PIK3CB: variants seen among roughly 807,000 people sequenced by gnomAD.
PIK3CB encodes the protein phosphatidylinositol-4,5-bisphosphate 3-kinase catalytic subunit beta.
In PIK3CB, 39 loss-of-function variants were observed where a neutral mutation model predicts 136.8. The ratio of observed to expected loss-of-function variants is 0.29; its 90% CI spans 0.22 to 0.37. The LOEUF (loss-of-function observed/expected upper bound fraction) is 0.37. Ranked by LOEUF, PIK3CB falls within the 10% of genes least tolerant of loss-of-function variation. The pLI is 1.00. For synonymous variants in PIK3CB, 428 were observed against 436.6 expected (o/e 0.98, Z 0.25); for missense variants, 868 against 1,275.4 (o/e 0.68, Z 4.87).
chr3:138,747,349 C>T (rs1364319028), intron 4 of PIK3CB, among the ~76,000 whole-genome samples: 12 of 151,748 alleles, frequency 7.9e-5, no homozygotes, highest in African/African-American at 2.2e-4. Flanking sequence ...CATGAGAACT[C>T]GGAGAGATCC....
intron 5 of PIK3CB, 78 bp from the exon 6 acceptor site, chr3:138,737,964 A>T: frequency 1.2e-6 from 1 of 844,730 alleles, no homozygotes; most frequent in East Asian, 2.8e-5. Flanking sequence ...ATCATTATGT[A>T]ATAATATGTA....
At chr3:138,776,103 CAGG>C (rs1455474197) in intron 2 of PIK3CB, among the ~76,000 whole-genome samples, 1 of 151,914 alleles carries the variant, frequency 6.6e-6, no homozygotes, top group Non-Finnish European at 1.5e-5. Context: ...GAGGCTGAGG[CAGG>C]AGGATCACCT....
chr3:138,830,208 C>T (rs1933961276), intron 1 of PIK3CB, among the ~76,000 whole-genome samples: 1 of 152,084 alleles, frequency 6.6e-6, no homozygotes, highest in African/African-American at 2.4e-5. Flanking sequence ...TTTTCTAGTA[C>T]ACCACCACAA....
At chr3:138,680,752 G>T (rs944209344) in intron 19 of PIK3CB, among the ~76,000 whole-genome samples, 1 of 151,568 alleles carries the variant, frequency 6.6e-6, no homozygotes, top group African/African-American at 2.4e-5. Flanking sequence ...GCAGTGGCAT[G>T]ATCTCGCTCA....
chr3:138,675,351 T>C (rs1250724272), intron 19 of PIK3CB, among the ~76,000 whole-genome samples: 1 of 151,910 alleles, frequency 6.6e-6, no homozygotes, highest in Admixed American at 6.6e-5. Flanking sequence ...AATAAATGCA[T>C]AATGGCGTTT....
At position 138,755,820 on chromosome 3, in the gene PIK3CB, AT is replaced by A; in HGVS notation, c.330del (p.Lys110AsnfsTer2). The part of the protein sequence containing the change: ...CDVRPFLPVL[K>X]LVTRSCDPGE... ...CCTGGGTCACAACTTCTTGTCACTA[AT>A]TTGAGAACTGGAAGAAAAGGTCTGA... On this transcript the variant is annotated frameshift_variant, in exon 4 of 24. Coordinates refer to ENST00000674063, the MANE Select transcript of PIK3CB (RefSeq NM_006219.3). LOFTEE classifies it high-confidence loss of function. 1 of 1,613,286 alleles carries A rather than the reference AT, an allele frequency of 6.2e-7. No individual in the cohort carries two copies. The highest frequency in any genetic ancestry group is 8.5e-7 in the Non-Finnish European group (1 of 1,179,472).
At chr3:138,767,817 G>C (rs1027279347) in intron 2 of PIK3CB, among the ~76,000 whole-genome samples, 1 of 152,306 alleles carries the variant, frequency 6.6e-6, no homozygotes, top group African/African-American at 2.4e-5. Flanking sequence ...CGGAAGCTTG[G>C]AGATGTCAGG....
intron 8 of PIK3CB, among the ~76,000 whole-genome samples, chr3:138,724,303 T>C (rs2044792015): frequency 6.6e-6 from 1 of 152,096 alleles, no homozygotes. Context: ...AATAGCCAAA[T>C]GAAAAGGTAT....
chr3:138,828,699 A>T (rs1933894175), intron 1 of PIK3CB, among the ~76,000 whole-genome samples: 1 of 152,156 alleles, frequency 6.6e-6, no homozygotes, highest in African/African-American at 2.4e-5. Flanking sequence ...TCAAGGCTGT[A>T]GTGCCCTATA....
intron 3 of PIK3CB, among the ~76,000 whole-genome samples, chr3:138,757,478 A>AACAC (rs146470519): frequency 0.041 from 5,548 of 136,342 alleles, 251 homozygotes; most frequent in African/African-American, 0.11. Context: ...GATACTATTA[A>AACAC]ACACACACAC....
Position 138,657,694 on chromosome 3 carries a change from C to T in PIK3CB, c.2938G>A (p.Gly980Ser). The stretch of plus-strand genomic sequence containing the variant: ...TGGCACAAGGGCAGTACTCACCGGC[C>T]AAACTTTTCTGTATTTCCTGTTTTT... ...QGKTGNTEKFGRFRQCCEDAY... is the reference protein window; with the variant it reads ...QGKTGNTEKFSRFRQCCEDAY... The change falls in exon 22 of 24, where the codon GGC becomes AGC. Residue 980 changes from glycine to serine, a missense_variant. This residue lies in a region of PIK3CB where 88 missense variants were observed against 147.8 expected (regional missense o/e 0.60). Coordinates refer to ENST00000674063, the MANE Select transcript of PIK3CB (RefSeq NM_006219.3). The T allele has an allele frequency of 6.2e-7, 1 of 1,613,870 alleles. No individual in the cohort carries two copies. The highest frequency in any genetic ancestry group is 8.5e-7 in the Non-Finnish European group (1 of 1,179,866).
chr3:138,723,686 G>T (rs145661026), intron 8 of PIK3CB, among the ~76,000 whole-genome samples: 47 of 152,276 alleles, frequency 3.1e-4, no homozygotes, highest in Middle Eastern at 3.4e-3. Flanking sequence ...ACATGCAAAG[G>T]ACTTGCCACT....
At chr3:138,825,436 T>A in intron 1 of PIK3CB, 1 of 689,032 alleles carries the variant, frequency 1.5e-6, no homozygotes, top group South Asian at 1.7e-5. Flanking sequence ...CTACAGCCAA[T>A]ACAGATATGA....
intron 1 of PIK3CB, among the ~76,000 whole-genome samples, chr3:138,816,757 A>G (rs1336735597): frequency 1.3e-5 from 2 of 152,124 alleles, no homozygotes; most frequent in African/African-American, 4.8e-5. Flanking sequence ...CTGAGGGTTT[A>G]TTCACCTCAT....
intron 1 of PIK3CB, among the ~76,000 whole-genome samples, chr3:138,834,279 C>T (rs1179248052): frequency 6.6e-6 from 1 of 152,254 alleles, no homozygotes; most frequent in African/African-American, 2.4e-5. Context: ...GGGTCCACGC[C>T]TCTGAAATAC....
intron 19 of PIK3CB, among the ~76,000 whole-genome samples, chr3:138,669,547 A>C (rs867528972): frequency 6.6e-6 from 1 of 152,066 alleles, no homozygotes; most frequent in Non-Finnish European, 1.5e-5. Context: ...GGGTGTGCAG[A>C]GGACTGGCAA....
chr3:138,789,127 C>CTCAAAAAAT (rs1304554442), intron 2 of PIK3CB, among the ~76,000 whole-genome samples: 1 of 151,896 alleles, frequency 6.6e-6, no homozygotes, highest in Non-Finnish European at 1.5e-5. Flanking sequence ...AGGATTGTTC[C>CTCAAAAAAT]TCAAAAAATT....
chr3:138,687,843 A>G (rs1021830503), intron 16 of PIK3CB, among the ~76,000 whole-genome samples: 23 of 152,150 alleles, frequency 1.5e-4, no homozygotes, highest in African/African-American at 5.5e-4. Flanking sequence ...TACAATTTAG[A>G]TAGTTAATGA....
At chr3:138,777,855 T>C (rs183749356) in intron 2 of PIK3CB, 58 of 230,822 alleles carry the variant, frequency 2.5e-4, no homozygotes, top group Non-Finnish European at 4.4e-4. Context: ...GGTAAACTGA[T>C]TTGGCCTTAT....
Sources: allele counts gnomAD v4.1 joint callset (sites outside exome capture counted in the v4.1 genomes callset), GRCh38; gene constraint gnomAD v4.1.1; regional missense constraint gnomAD v4.1.1; transcripts MANE v1.5; gene names NCBI Gene and HGNC (gene_info 2026-07-23, HGNC 2026-07-21).